The following MYCBP2 variants were observed in gnomAD, a reference collection of about 807,000 sequenced individuals.
MYCBP2 encodes E3 ubiquitin-protein ligase MYCBP2.
Under a neutral mutation model 525.3 loss-of-function variants are expected in MYCBP2, and 120 were observed. The ratio of observed to expected loss-of-function variants is 0.23; its 90% CI spans 0.20 to 0.27. The LOEUF (loss-of-function observed/expected upper bound fraction) is 0.27, where lower values mean the gene tolerates loss of function less well. Ranked by LOEUF, MYCBP2 falls within the 10% of genes least tolerant of loss-of-function variation. The pLI is 1.00. For missense variants in MYCBP2, 4,149 were observed against 5,657.1 expected, an observed-to-expected ratio of 0.73 and a Z score of 8.55; for synonymous variants, 1,894 against 1,955.8, an observed-to-expected ratio of 0.97 and a Z score of 0.83.
At chr13:77,323,365 A>T (rs1311647945) in intron 1 of MYCBP2, among the ~76,000 whole-genome samples, 2 of 152,212 alleles carry the variant, frequency 1.3e-5, no homozygotes, top group South Asian at 2.1e-4. Context: ...TTTGACATTG[A>T]CTGATAACTC....
At chr13:77,312,958 G>A (rs576259617) in intron 1 of MYCBP2, among the ~76,000 whole-genome samples, 6 of 151,840 alleles carry the variant, frequency 4.0e-5, no homozygotes, top group Non-Finnish European at 7.4e-5. Flanking sequence ...AAAGATGACC[G>A]AACACATTCT....
intron 4 of MYCBP2, among the ~76,000 whole-genome samples, chr13:77,275,829 C>G (rs2075486502): frequency 6.6e-6 from 1 of 152,006 alleles, no homozygotes; most frequent in Non-Finnish European, 1.5e-5. Context: ...ACTAAAAATA[C>G]AAAAATTAGC....
chr13:77,096,862 A>G (rs998272864), intron 56 of MYCBP2, among the ~76,000 whole-genome samples: 1 of 152,208 alleles, frequency 6.6e-6, no homozygotes, highest in African/African-American at 2.4e-5. Context: ...ATGTAGACAA[A>G]GAAAAAAATT....
At position 77,156,184 on chromosome 13, in the gene MYCBP2, T is replaced by A; in HGVS notation, c.6789A>T (p.Ser2263=). ...AAGATGTTTTCTGAGGATCCGCATATGAATCTGGCTGAAGCCACCTAACAG... is the reference window on the plus strand; with the variant it reads ...AAGATGTTTTCTGAGGATCCGCATAAGAATCTGGCTGAAGCCACCTAACAG... ...GRLARWLQPD[S]YADPQKTSLI... is the part of the protein sequence containing the mutation. The change falls in exon 46 of 83, where the codon TCA becomes TCT. Residue 2263 remains serine (S), a synonymous_variant. Transcript: ENST00000544440. The A allele has an allele frequency of 6.2e-7, 1 of 1,613,594 alleles. No individual in the cohort carries two copies. Among genetic ancestry groups the A allele is most frequent in the East Asian group, 2.2e-5 (1 of 44,854 alleles).
At chr13:77,232,423 T>C (rs1390363794) in intron 18 of MYCBP2, among the ~76,000 whole-genome samples, 1 of 152,222 alleles carries the variant, frequency 6.6e-6, no homozygotes, top group Non-Finnish European at 1.5e-5. Flanking sequence ...TTCCTTGTAT[T>C]AAATTCTTTC....
intron 18 of MYCBP2, among the ~76,000 whole-genome samples, chr13:77,231,921 A>C (rs767750209): frequency 1.2e-4 from 19 of 152,224 alleles, no homozygotes; most frequent in Non-Finnish European, 2.5e-4. Flanking sequence ...CAGCTGTCTT[A>C]GGTTGAAAAT....
intron 26 of MYCBP2, among the ~76,000 whole-genome samples, chr13:77,194,571 AACTAAGTGAGTCTCTC>A (rs1160954844): frequency 7.9e-5 from 12 of 152,144 alleles, no homozygotes; most frequent in Admixed American, 7.2e-4. Context: ...AAAAAATTTT[AACTAAGTGAGTCTCTC>A]ACTAAGTGAG....
rs371627279 is a variant in MYCBP2 at position 77,251,049 on chromosome 13, G to A, written c.2381+102C>T. 53 of 959,392 alleles carry A rather than the reference G, an allele frequency of 5.5e-5. No individual in the cohort carries two copies. In the South Asian group the frequency reaches 6.3e-4, roughly 11 times the overall value. The allele number at this position is 959,392 out of a possible 1,614,324, so 59.4% of individuals were successfully genotyped here. A position where few individuals can be genotyped will look rare whatever the true frequency, so the allele number is the denominator to read the frequency against. ...GCTAAGATCAAGTGAAGATGCCACT[G>A]GTCTTTAAGAAAAAAATATTAATAG... is the stretch of plus-strand genomic sequence containing the variant. On this transcript the variant is annotated intron_variant, in intron 15 of 82. Coordinates refer to ENST00000544440, the MANE Select transcript of MYCBP2 (RefSeq NM_015057.5).
At chr13:77,248,198 G>C (rs2154323881) in intron 15 of MYCBP2, among the ~76,000 whole-genome samples, 1 of 149,712 alleles carries the variant, frequency 6.7e-6, no homozygotes, top group Non-Finnish European at 1.5e-5. Context: ...CACTAGATTG[G>C]GAAATAATTT....
rs201618940 is a variant in MYCBP2 at position 77,157,107 on chromosome 13, G to A, written c.6770+830C>T. Reference sequence around the variant, plus strand: ...ATTTAATTAGTTAATTTTTTTTTGAGATAGGGTCTTGCTCTGTTGCCCAAG... The same window carrying A: ...ATTTAATTAGTTAATTTTTTTTTGAAATAGGGTCTTGCTCTGTTGCCCAAG... On this transcript the variant is annotated intron_variant, in intron 45 of 82. Transcript: ENST00000544440. 2.8e-4 allele frequency among the ~76,000 whole-genome samples: 42 copies of A among 151,828 alleles called. 1 individual carries two copies. In the East Asian group the frequency reaches 7.9e-3, roughly 29 times the overall value.
intron 26 of MYCBP2, among the ~76,000 whole-genome samples, chr13:77,201,033 C>G (rs546926137): frequency 8.5e-4 from 129 of 152,070 alleles, no homozygotes; most frequent in African/African-American, 3.0e-3. Flanking sequence ...ACCAAATTCA[C>G]ACATAACAAT....
chr13:77,144,151 CA>C (rs201462986), intron 49 of MYCBP2: 4,131 of 354,002 alleles, frequency 0.012, 52 homozygotes, highest in Non-Finnish European at 0.015. Context: ...GACACACCCA[CA>C]GGGGAGAGAC....
chr13:77,102,571 T>C (rs969167991), intron 55 of MYCBP2, among the ~76,000 whole-genome samples: 12 of 151,454 alleles, frequency 7.9e-5, no homozygotes, highest in African/African-American at 2.9e-4. Flanking sequence ...ACCAAAAACA[T>C]ATTTTTAAAT....
chr13:77,046,515 G>A (rs577771561), intron 82 of MYCBP2, among the ~76,000 whole-genome samples: 5 of 152,170 alleles, frequency 3.3e-5, no homozygotes, highest in Non-Finnish European at 7.4e-5. Context: ...ATAAGAGAAG[G>A]AAACCATGAT....
intron 27 of MYCBP2, among the ~76,000 whole-genome samples, chr13:77,192,807 A>G (rs1414770218): frequency 6.6e-6 from 1 of 152,162 alleles, no homozygotes; most frequent in African/African-American, 2.4e-5. Flanking sequence ...ACTGTGCTTT[A>G]TATTTTCGAC....
At position 77,251,224 on chromosome 13, in the gene MYCBP2, T is replaced by C. The variant is rs142342966; in HGVS notation, c.2308A>G (p.Thr770Ala). The stretch of plus-strand genomic sequence containing the variant: ...TAACCTGTACAGTCTCCACAGACAG[T>C]GCAAACCATGCACTGCTCCAGCTTC... ...KWKLEQCMVC[T>A]VCGDCTGYGA... Residue 770 changes from threonine (T) to alanine (A), a missense_variant, in exon 15 of 83, where the codon ACT (threonine) becomes GCT (alanine). By Grantham distance (58) the Thr-to-Ala change is moderately conservative. Around this residue, in one of 21 missense-constraint regions of MYCBP2, gnomAD observed 620 missense variants for 795.5 expected, o/e 0.78. Coordinates refer to ENST00000544440, the MANE Select transcript of MYCBP2 (RefSeq NM_015057.5). 3.1e-4 allele frequency: 501 copies of C among 1,614,210 alleles called. No homozygotes were observed. The highest frequency in any genetic ancestry group is 6.6e-4 in the Middle Eastern group (4 of 6,062).
At chr13:77,206,524 A>G (rs1357728779) in intron 24 of MYCBP2, 129 bp downstream of exon 24, 3 of 896,548 alleles carry the variant, frequency 3.3e-6, no homozygotes, top group East Asian at 5.8e-5. Flanking sequence ...TAGAGGATTT[A>G]ACTTATTTTG....
intron 26 of MYCBP2, among the ~76,000 whole-genome samples, chr13:77,195,995 G>A (rs1307939667): frequency 1.3e-5 from 2 of 152,154 alleles, no homozygotes; most frequent in Non-Finnish European, 2.9e-5. Context: ...TGGGCATAAA[G>A]GGGCAAACAA....
At chr13:77,054,138 G>A (rs2037379299) in intron 80 of MYCBP2, among the ~76,000 whole-genome samples, 1 of 152,152 alleles carries the variant, frequency 6.6e-6, no homozygotes, top group Non-Finnish European at 1.5e-5. Context: ...GACAGCATGT[G>A]TGTATGGGGT....
Sources: gnomAD v4.1 joint callset for allele counts (sites outside exome capture counted in the v4.1 genomes callset) on GRCh38, gnomAD v4.1.1 for gene constraint, gnomAD v4.1.1 regional missense constraint, MANE v1.5 for transcripts, NCBI Gene and HGNC (gene_info 2026-07-23, HGNC 2026-07-21) for gene names.